Variants in FRY observed in about 807,000 individuals in gnomAD.
The protein encoded by FRY is FRY microtubule binding protein, also known as protein furry homolog.
Under a neutral mutation model 348.4 loss-of-function variants are expected in FRY, and 128 were observed. The observed-to-expected ratio is 0.37, with a 90% CI of 0.32 to 0.43. The LOEUF is 0.43. FRY is among the 20% of genes least tolerant of loss of function. The probability of loss-of-function intolerance (pLI) is 1.00; values close to 1 mark genes in which losing one functional copy is unlikely to be tolerated. For missense variants in FRY, 2,736 were observed against 3,695.2 expected (o/e 0.74, Z 6.73); for synonymous variants, 1,370 against 1,374.7 (o/e 1.00, Z 0.08).
intron 53 of FRY, 78 bp from the exon 54 acceptor site, chr13:32,265,372 T>C: frequency 7.3e-7 from 1 of 1,362,534 alleles, no homozygotes; most frequent in Non-Finnish European, 1.0e-6. Flanking sequence ...GTCTCTCTTA[T>C]TTGTTCCTTA....
At chr13:32,084,889 AACACAC>A (rs5802632) in intron 2 of FRY, among the ~76,000 whole-genome samples, 5 of 149,680 alleles carry the variant, frequency 3.3e-5, no homozygotes, top group South Asian at 2.1e-4. Context: ...CACACATGCA[AACACAC>A]ACACACACAC....
At chr13:32,272,996 G>A (rs1467364763) in intron 55 of FRY, among the ~76,000 whole-genome samples, 1 of 151,462 alleles carries the variant, frequency 6.6e-6, no homozygotes, top group African/African-American at 2.4e-5. Flanking sequence ...CTCCTGCCTC[G>A]GCCTCCCAAA....
At chr13:32,056,614 C>G (rs890865701) in intron 1 of FRY, among the ~76,000 whole-genome samples, 23 of 152,156 alleles carry the variant, frequency 1.5e-4, no homozygotes, top group African/African-American at 5.6e-4. Context: ...CATTTGGTTC[C>G]TCCCTTAAAC....
At position 32,296,099 on chromosome 13, in the gene FRY, T is replaced by A. The variant is rs941373384; in HGVS notation, c.*639T>A. The stretch of plus-strand genomic sequence containing the variant: ...AAGGAGCTGCTATGAAGTACCTTTC[T>A]TATGTTGCTAGGCTACTGTTTCTGA... On this transcript the variant is annotated 3_prime_UTR_variant, in exon 61 of 61. Transcript: ENST00000542859. The A allele has an allele frequency of 6.5e-6, 1 of 153,026 alleles. No individual in the cohort carries two copies. Among genetic ancestry groups the A allele is most frequent in the Non-Finnish European group, 1.5e-5 (1 of 68,340 alleles). 9.5% of individuals were successfully genotyped at this position (153,026 alleles called of 1,614,324 possible).
At chr13:32,177,474 A>G (rs960390105) in intron 20 of FRY, among the ~76,000 whole-genome samples, 3 of 152,054 alleles carry the variant, frequency 2.0e-5, no homozygotes, top group African/African-American at 7.2e-5. Context: ...ATTGCCTGTA[A>G]TCCCAGCTAC....
chr13:32,173,517 C>A lies in FRY; in HGVS notation c.2302C>A (p.Arg768=), dbSNP rs17077179. The A allele has an allele frequency of 0.093, 150,160 of 1,613,036 alleles. 8,274 individuals are homozygous for A. The highest frequency in any genetic ancestry group is 0.21 in the African/African-American group (15,413 of 74,922). Residue 768 remains arginine, a synonymous_variant, in exon 19 of 61, where the codon CGA becomes AGA. Transcript: ENST00000542859. Reference sequence around the variant, plus strand: ...GTCCGTTTTAATACTCAAGGAAATTCGAGCGTTGTTTATTGCCCTGGGGCA... The same window carrying A: ...GTCCGTTTTAATACTCAAGGAAATTAGAGCGTTGTTTATTGCCCTGGGGCA... ...KLSVLILKEI[R]ALFIALGQPE... is the part of the protein sequence containing the mutation.
chr13:32,156,573 C>T (rs1881127757), intron 15 of FRY, among the ~76,000 whole-genome samples: 1 of 147,660 alleles, frequency 6.8e-6, no homozygotes, highest in African/African-American at 2.5e-5. Context: ...TCCACTCCAG[C>T]CTGGGCAACA....
intron 14 of FRY, among the ~76,000 whole-genome samples, chr13:32,154,011 A>G (rs116939213): frequency 0.022 from 3,364 of 152,296 alleles, 56 homozygotes; most frequent in Non-Finnish European, 0.033. Flanking sequence ...TTGTCCCGGG[A>G]AAAGGAAAAC....
chr13:32,074,699 AT>A (rs1197063045), intron 1 of FRY, among the ~76,000 whole-genome samples: 1 of 152,240 alleles, frequency 6.6e-6, no homozygotes, highest in Non-Finnish European at 1.5e-5. Flanking sequence ...TATGCAAAAA[AT>A]TTTAATGGGG....
At chr13:32,032,087 T>C (rs1267131818) in intron 1 of FRY, among the ~76,000 whole-genome samples, 1 of 151,780 alleles carries the variant, frequency 6.6e-6, no homozygotes, top group East Asian at 1.9e-4. Context: ...TGTCAGAGAC[T>C]GAACTAGCTT....
At chr13:32,076,044 C>T (rs1344624565) in intron 1 of FRY, among the ~76,000 whole-genome samples, 4 of 152,184 alleles carry the variant, frequency 2.6e-5, no homozygotes, top group African/African-American at 9.7e-5. Context: ...AGTGAATTGG[C>T]TCTTCAGCTG....
At chr13:32,087,835 G>C (rs1253507580) in intron 2 of FRY, among the ~76,000 whole-genome samples, 1 of 152,154 alleles carries the variant, frequency 6.6e-6, no homozygotes, top group African/African-American at 2.4e-5. Flanking sequence ...AAATTCTGCT[G>C]TGCTAAAGGA....
intron 1 of FRY, among the ~76,000 whole-genome samples, chr13:32,070,525 G>T (rs901575121): frequency 1.3e-5 from 2 of 149,226 alleles, no homozygotes; most frequent in African/African-American, 4.9e-5. Flanking sequence ...TTTGAGACGT[G>T]TCTGTTCATA....
chr13:32,138,309 T>C (rs1400851071), intron 11 of FRY, among the ~76,000 whole-genome samples: 3 of 152,110 alleles, frequency 2.0e-5, no homozygotes, highest in African/African-American at 4.8e-5. Context: ...AGAGGGGAAT[T>C]ATTGAGAGTG....
At chr13:32,263,273 A>G (rs2138550206) in intron 53 of FRY, among the ~76,000 whole-genome samples, 1 of 152,332 alleles carries the variant, frequency 6.6e-6, no homozygotes, top group South Asian at 2.1e-4. Context: ...AATCGAAAAA[A>G]TTTCATAAAA....
chr13:32,074,316 A>T (rs919703937), intron 1 of FRY, among the ~76,000 whole-genome samples: 1 of 152,234 alleles, frequency 6.6e-6, no homozygotes, highest in Non-Finnish European at 1.5e-5. Context: ...AAAGAAGGCA[A>T]TGGAGAAAAA....
intron 4 of FRY, 57 bp downstream of exon 4, chr13:32,117,530 T>G: frequency 6.4e-7 from 1 of 1,574,380 alleles, no homozygotes; most frequent in Non-Finnish European, 8.7e-7. Flanking sequence ...TCAGGAAACA[T>G]AAATCAAAAT....
chr13:32,239,114 G>A lies in FRY; in HGVS notation c.6419-138G>A, dbSNP rs530853272. ...TGGTTGTGCATTTTTCATAGATTTT[G>A]TGTTAGATCATGTTTAAGCTGATTC... On this transcript the variant is annotated intron_variant, in intron 44 of 60. Coordinates refer to ENST00000542859, the MANE Select transcript of FRY (RefSeq NM_023037.3). This position sits in a 1 kb window ranked among gnomAD's most constrained non-coding sequence, Gnocchi z 4.3. The A allele has an allele frequency of 4.8e-3, 3,360 of 697,132 alleles. 117 individuals are homozygous for A. The highest frequency in any genetic ancestry group is 0.047 in the South Asian group (3,190 of 67,848). 43.2% of individuals were successfully genotyped at this position (697,132 alleles called of 1,614,324 possible). A position where few individuals can be genotyped will look rare whatever the true frequency, so the allele number is the denominator to read the frequency against.
chr13:32,147,110 T>C (rs907483982), intron 11 of FRY, among the ~76,000 whole-genome samples, 172 bp from the exon 12 acceptor site: 1 of 152,210 alleles, frequency 6.6e-6, no homozygotes, highest in African/African-American at 2.4e-5. Flanking sequence ...ATTTATCCTA[T>C]GAGCATTGAG....
Sources: gnomAD v4.1 joint callset for allele counts (sites outside exome capture counted in the v4.1 genomes callset) on GRCh38, gnomAD v4.1.1 for gene constraint, Gnocchi (gnomAD v3.1) non-coding constraint, MANE v1.5 for transcripts, NCBI Gene and HGNC (gene_info 2026-07-23, HGNC 2026-07-21) for gene names.